The following DERA variants were observed in gnomAD, a reference collection of about 807,000 sequenced individuals.
The protein encoded by DERA is deoxyribose-phosphate aldolase.
DERA carries 15 observed loss-of-function variants against 41.1 expected under a neutral mutation model. That is an observed-to-expected ratio of 0.37 (90% CI 0.24 to 0.56). DERA has a LOEUF of 0.56. Ranked by LOEUF, DERA falls within the 20% of genes least tolerant of loss-of-function variation. The pLI, the probability that DERA is intolerant of heterozygous loss-of-function variation, is 0.81. For missense variants in DERA, 396 were observed against 403.4 expected, an observed-to-expected ratio of 0.98 and a Z score of 0.16; for synonymous variants, 139 against 137.4, an observed-to-expected ratio of 1.01 and a Z score of -0.08.
chr12:15,952,046 T>A (rs1948501994), intron 1 of DERA, among the ~76,000 whole-genome samples: 1 of 152,092 alleles, frequency 6.6e-6, no homozygotes, highest in South Asian at 2.1e-4. Context: ...GACTACAGGC[T>A]TGCACCACCA....
chr12:15,953,231 A>C (rs1236141860), intron 1 of DERA, among the ~76,000 whole-genome samples: 2 of 152,198 alleles, frequency 1.3e-5, no homozygotes, highest in African/African-American at 2.4e-5. Context: ...CTTTTTATCC[A>C]GCCAGTGTGG....
At chr12:15,977,231 G>A (rs4764238) in intron 5 of DERA, among the ~76,000 whole-genome samples, 38,175 of 151,972 alleles carry the variant, frequency 0.25, 5,483 homozygotes, top group South Asian at 0.41. Context: ...GAGTTTTGAC[G>A]AATCTGTTGC....
rs950331953 is a variant in DERA, at chr12:15,915,556, A to G, written c.31+4142A>G. 4.6e-5 allele frequency among the ~76,000 whole-genome samples: 7 copies of G among 152,140 alleles called. No homozygotes were observed. The highest frequency in any genetic ancestry group is 1.7e-4 in the African/African-American group (7 of 41,410). ...GTGATACTCCAGCCTCTGCCTCCCA[A>G]AGTGCTAGGATTATAGGCATGAGCC... On this transcript the variant is annotated intron_variant, in intron 1 of 8. Coordinates refer to ENST00000428559, the MANE Select transcript of DERA (RefSeq NM_015954.4). This position sits in a 1 kb window ranked among gnomAD's most constrained non-coding sequence, Gnocchi z 4.8.
chr12:15,958,773 C>T (rs1009185338), intron 3 of DERA, among the ~76,000 whole-genome samples: 12 of 151,922 alleles, frequency 7.9e-5, no homozygotes, highest in African/African-American at 2.7e-4. Context: ...ATATAGCCTG[C>T]TTATATATTA....
intron 1 of DERA, among the ~76,000 whole-genome samples, chr12:15,942,288 G>C (rs1270863271): frequency 6.6e-6 from 1 of 152,182 alleles, no homozygotes; most frequent in Non-Finnish European, 1.5e-5. Flanking sequence ...CATAGTTTGC[G>C]AATATTTACT....
chr12:15,948,436 A>G (rs1187990762), intron 1 of DERA, among the ~76,000 whole-genome samples: 1 of 151,810 alleles, frequency 6.6e-6, no homozygotes, highest in African/African-American at 2.4e-5. Context: ...TTCTCACTTC[A>G]TTTCATACAT....
chr12:16,013,762 G>A lies in DERA; in HGVS notation c.638-18780G>A, dbSNP rs940266490. On this transcript the variant is annotated intron_variant, in intron 6 of 8. Transcript: ENST00000428559. This position sits in a 1 kb window ranked among gnomAD's most constrained non-coding sequence, Gnocchi z 5.8. ...AGGGCTCAGAAGAAGACAGGAAGAT[G>A]TGGGAAAATTTGGAACTTCCTAGAG... 6.6e-6 allele frequency among the ~76,000 whole-genome samples: 1 copy of A among 152,238 alleles called. No individual in the cohort carries two copies. Among genetic ancestry groups the A allele is most frequent in the Admixed American group, 6.5e-5 (1 of 15,292 alleles).
intron 5 of DERA, among the ~76,000 whole-genome samples, chr12:15,980,030 CAACAG>C (rs1180406730): frequency 6.6e-6 from 1 of 152,092 alleles, no homozygotes; most frequent in Non-Finnish European, 1.5e-5. Context: ...AGCAGTAATC[CAACAG>C]AACTTTGGTT....
intron 1 of DERA, among the ~76,000 whole-genome samples, chr12:15,937,904 A>G (rs1421808770): frequency 6.6e-6 from 1 of 152,236 alleles, no homozygotes; most frequent in Admixed American, 6.5e-5. Context: ...AAATATTTGT[A>G]GAACATTTGC....
intron 4 of DERA, among the ~76,000 whole-genome samples, chr12:15,961,992 C>G (rs1286351389): frequency 6.6e-6 from 1 of 152,212 alleles, no homozygotes; most frequent in African/African-American, 2.4e-5. Context: ...GATCCGCTAG[C>G]CTTGACCTCC....
chr12:15,953,841 T>C (rs1231014188), intron 1 of DERA, among the ~76,000 whole-genome samples: 2 of 152,166 alleles, frequency 1.3e-5, no homozygotes, highest in Non-Finnish European at 2.9e-5. Context: ...TTTGATGAAA[T>C]TAAAGAGTAG....
intron 6 of DERA, among the ~76,000 whole-genome samples, chr12:16,031,215 T>C (rs1389723388): frequency 6.6e-6 from 1 of 152,242 alleles, no homozygotes; most frequent in Non-Finnish European, 1.5e-5. Flanking sequence ...TTGGTGATTA[T>C]GCGGGGTTTA....
chr12:15,987,965 C>T (rs145140543), intron 6 of DERA, among the ~76,000 whole-genome samples: 8 of 152,268 alleles, frequency 5.3e-5, no homozygotes, highest in South Asian at 2.1e-4. Flanking sequence ...ACATCAGCTG[C>T]GGCAGGGTGG....
At position 15,933,199 on chromosome 12, in the gene DERA, C is replaced by T. The variant is rs1014378748; in HGVS notation, c.31+21785C>T. On this transcript the variant is annotated intron_variant, in intron 1 of 8. Transcript: ENST00000428559. Reference sequence around the variant, plus strand: ...GATATATACCCGGTAGTGGGATTGCCGGATCATATGGTAGTTCTGTTTTTA... The same window carrying T: ...GATATATACCCGGTAGTGGGATTGCTGGATCATATGGTAGTTCTGTTTTTA... Among the ~76,000 whole-genome samples, 10 of 152,206 alleles carry T rather than the reference C, an allele frequency of 6.6e-5. No individual in the cohort carries two copies. In the East Asian group the frequency reaches 1.4e-3, roughly 21 times the overall value.
chr12:16,000,397 C>T lies in DERA; in HGVS notation c.637+17961C>T, dbSNP rs1290980399. Among the ~76,000 whole-genome samples, 1 of 152,116 alleles carries T rather than the reference C, an allele frequency of 6.6e-6. No individual in the cohort carries two copies. The highest frequency in any genetic ancestry group is 1.5e-5 in the Non-Finnish European group (1 of 68,022). ...TATTTTTTGGTTTAGAAAACATTAG[C>T]AAGATAACACATGTAAATCAAAATG... On this transcript the variant is annotated intron_variant, in intron 6 of 8. Coordinates refer to ENST00000428559, the MANE Select transcript of DERA (RefSeq NM_015954.4). This position sits in a 1 kb window ranked among gnomAD's most constrained non-coding sequence, Gnocchi z 4.8.
At chr12:16,028,706 A>G (rs1949070252) in intron 6 of DERA, among the ~76,000 whole-genome samples, 1 of 152,248 alleles carries the variant, frequency 6.6e-6, no homozygotes, top group Admixed American at 6.5e-5. Flanking sequence ...TGTGATTAAC[A>G]TAGCAGTTTC....
rs1346327310 is a variant in DERA at position 16,003,806 on chromosome 12, A to G, written c.637+21370A>G. Among the ~76,000 whole-genome samples the G allele has an allele frequency of 6.6e-6, 1 of 152,158 alleles. No homozygotes were observed. Among genetic ancestry groups the G allele is most frequent in the Non-Finnish European group, 1.5e-5 (1 of 68,012 alleles). ...CCCTTCCCCGCAAAACCCTCTTTGT[A>G]TCACCATCTTGAGATTCCTTATCCA... On this transcript the variant is annotated intron_variant, in intron 6 of 8. Transcript: ENST00000428559. This position sits in a 1 kb window ranked among gnomAD's most constrained non-coding sequence, Gnocchi z 4.8.
chr12:15,996,763 G>A lies in DERA; in HGVS notation c.637+14327G>A, dbSNP rs534774275. On this transcript the variant is annotated intron_variant, in intron 6 of 8. Transcript: ENST00000428559. The surrounding 1 kb of genome is among the most constrained non-coding windows in gnomAD (Gnocchi z 4.7). Reference sequence around the variant, plus strand: ...TTTTCTGTCAAGAAGACCTGAAGAAGTTAGAGAAAAATATTTTGACTCAAA... The same window carrying A: ...TTTTCTGTCAAGAAGACCTGAAGAAATTAGAGAAAAATATTTTGACTCAAA... 5.7e-4 allele frequency among the ~76,000 whole-genome samples: 87 copies of A among 152,340 alleles called. No individual in the cohort carries two copies. Among genetic ancestry groups the A allele is most frequent in the African/African-American group, 2.0e-3 (83 of 41,582 alleles).
intron 5 of DERA, among the ~76,000 whole-genome samples, chr12:15,971,119 G>C (rs10772887): frequency 0.62 from 94,250 of 151,918 alleles, 29,611 homozygotes; most frequent in East Asian, 0.82. Flanking sequence ...CAACAGCCCC[G>C]GATTAATAAC....
Sources: gnomAD v4.1 joint callset for allele counts (sites outside exome capture counted in the v4.1 genomes callset) on GRCh38, gnomAD v4.1.1 for gene constraint, Gnocchi (gnomAD v3.1) non-coding constraint, MANE v1.5 for transcripts, NCBI Gene and HGNC (gene_info 2026-07-23, HGNC 2026-07-21) for gene names.